The following EYA2 variants were observed in gnomAD, a reference collection of about 807,000 sequenced individuals.
EYA2 encodes the protein protein phosphatase EYA2.
Under a neutral mutation model 69.2 loss-of-function variants are expected in EYA2, and 31 were observed. That is an observed-to-expected ratio of 0.45 (90% CI 0.34 to 0.60). The LOEUF (loss-of-function observed/expected upper bound fraction) is 0.60, where lower values mean the gene tolerates loss of function less well. Ranked by LOEUF, EYA2 falls within the 20% of genes least tolerant of loss-of-function variation. The pLI, the probability that EYA2 is intolerant of heterozygous loss-of-function variation, is 0.02. For synonymous variants in EYA2, 257 were observed against 279.4 expected (o/e 0.92, Z 0.80); for missense variants, 622 against 701.2 (o/e 0.89, Z 1.28).
intron 9 of EYA2, among the ~76,000 whole-genome samples, chr20:47,100,022 GGTTTGGTTTGGTTTGGTTTT>G (rs962471264): frequency 7.1e-6 from 1 of 141,270 alleles, no homozygotes; most frequent in African/African-American, 3.2e-5. Context: ...GGTTTGGTTT[GGTTTGGTTTGGTTTGGTTTT>G]GTTCATAGCT....
intron 1 of EYA2, among the ~76,000 whole-genome samples, chr20:46,952,129 C>T (rs1325783194): frequency 1.3e-5 from 2 of 152,136 alleles, no homozygotes; most frequent in African/African-American, 2.4e-5. Context: ...AGAAGAACTC[C>T]GCCGAGCAAT....
chr20:47,114,471 C>T (rs1341004522), intron 9 of EYA2, among the ~76,000 whole-genome samples: 2 of 152,074 alleles, frequency 1.3e-5, no homozygotes, highest in South Asian at 2.1e-4. Flanking sequence ...AAAAATTAGC[C>T]GAGAGTGGTG....
chr20:47,043,959 G>T (rs999208633), intron 5 of EYA2, among the ~76,000 whole-genome samples: 3 of 152,196 alleles, frequency 2.0e-5, no homozygotes, highest in South Asian at 4.1e-4. Context: ...TCCAAACAAA[G>T]TTGTCCAGGT....
chr20:47,023,000 G>A lies in EYA2; in HGVS notation c.415+6703G>A, dbSNP rs539183663. Among the ~76,000 whole-genome samples, 457 of 151,570 alleles carry A rather than the reference G, an allele frequency of 3.0e-3. 4 individuals carry two copies. The highest frequency in any genetic ancestry group is 6.3e-3 in the South Asian group (30 of 4,786). ...GCAAAGAAACCCCATGTCCATTAGCGTCACTCCTTAGTTCCCCTCCCTCCG... is the reference window on the plus strand; with the variant it reads ...GCAAAGAAACCCCATGTCCATTAGCATCACTCCTTAGTTCCCCTCCCTCCG... On this transcript the variant is annotated intron_variant, in intron 5 of 15. Transcript: ENST00000327619.
intron 10 of EYA2, among the ~76,000 whole-genome samples, chr20:47,156,083 T>TAC (rs1465019016): frequency 2.2e-4 from 9 of 40,464 alleles, no homozygotes; most frequent in Non-Finnish European, 3.4e-4. Context: ...CACACATATA[T>TAC]ATACATACAC....
At chr20:46,942,005 C>T (rs2146263763) in intron 1 of EYA2, among the ~76,000 whole-genome samples, 1 of 152,210 alleles carries the variant, frequency 6.6e-6, no homozygotes, top group South Asian at 2.1e-4. Flanking sequence ...GATCCTTTTG[C>T]CTCAGCCTCC....
At chr20:47,148,144 T>TGTCCCAA (rs2033746995) in intron 10 of EYA2, among the ~76,000 whole-genome samples, 1 of 152,096 alleles carries the variant, frequency 6.6e-6, no homozygotes, top group African/African-American at 2.4e-5. Context: ...TCTGCACGCA[T>TGTCCCAA]GTCCCAAGTT....
At chr20:47,079,150 A>G (rs2031627715) in intron 7 of EYA2, among the ~76,000 whole-genome samples, 1 of 152,224 alleles carries the variant, frequency 6.6e-6, no homozygotes, top group African/African-American at 2.4e-5. Context: ...TACAATATAT[A>G]TGATGGATCT....
chr20:46,993,609 G>T (rs1054844210), intron 2 of EYA2, among the ~76,000 whole-genome samples: 4 of 152,134 alleles, frequency 2.6e-5, no homozygotes, highest in Admixed American at 2.6e-4. Context: ...AAGTACTAGG[G>T]AGACAGCATA....
At chr20:47,171,603 C>A (rs1366405973) in intron 11 of EYA2, among the ~76,000 whole-genome samples, 1 of 152,068 alleles carries the variant, frequency 6.6e-6, no homozygotes, top group African/African-American at 2.4e-5. Flanking sequence ...GCAATTGGCC[C>A]AAACTCACAT....
chr20:46,958,296 A>G (rs1445241957), intron 1 of EYA2, among the ~76,000 whole-genome samples: 1 of 152,126 alleles, frequency 6.6e-6, no homozygotes, highest in Non-Finnish European at 1.5e-5. Context: ...TGCTCCTTTG[A>G]GAGAGAATCT....
intron 1 of EYA2, among the ~76,000 whole-genome samples, chr20:46,957,989 C>T (rs2146284055): frequency 6.6e-6 from 1 of 152,220 alleles, no homozygotes; most frequent in East Asian, 1.9e-4. Flanking sequence ...ACTCAGAGTT[C>T]ACTCTGAAAG....
intron 1 of EYA2, among the ~76,000 whole-genome samples, chr20:46,927,292 C>T (rs755158870): frequency 8.5e-5 from 13 of 152,162 alleles, no homozygotes; most frequent in Non-Finnish European, 1.6e-4. Flanking sequence ...AACAAGTGCT[C>T]AGTGGACAGT....
intron 9 of EYA2, among the ~76,000 whole-genome samples, chr20:47,097,630 A>G (rs149649589): frequency 2.0e-5 from 3 of 151,930 alleles, no homozygotes; most frequent in East Asian, 3.9e-4. Context: ...GATCTTAGCA[A>G]TCGTTTTGCA....
At chr20:47,095,433 A>T (rs1033343483) in intron 8 of EYA2, among the ~76,000 whole-genome samples, 9 of 152,098 alleles carry the variant, frequency 5.9e-5, no homozygotes, top group African/African-American at 2.2e-4. Flanking sequence ...GAAATAAGAA[A>T]ATAAAAATTT....
chr20:47,011,584 G>A (rs1306945545), intron 4 of EYA2, among the ~76,000 whole-genome samples: 3 of 152,082 alleles, frequency 2.0e-5, no homozygotes, highest in Admixed American at 1.3e-4. Context: ...GTACACTCCT[G>A]CCTGATGACC....
At chr20:46,999,858 C>T (rs944789322) in intron 2 of EYA2, among the ~76,000 whole-genome samples, 3 of 152,176 alleles carry the variant, frequency 2.0e-5, no homozygotes, top group African/African-American at 4.8e-5. Flanking sequence ...ATCTGTACAA[C>T]GGGGTTAATG....
chr20:46,923,319 C>T (rs6124895), intron 1 of EYA2, among the ~76,000 whole-genome samples: 20,664 of 152,106 alleles, frequency 0.14, 2,060 homozygotes, highest in East Asian at 0.48. Flanking sequence ...GAGCCAAGAT[C>T]GTGCCACTGC....
intron 2 of EYA2, among the ~76,000 whole-genome samples, chr20:46,998,933 G>C (rs1486429570): frequency 1.3e-5 from 2 of 152,172 alleles, no homozygotes; most frequent in Non-Finnish European, 2.9e-5. Flanking sequence ...TGAGGTTGCT[G>C]GGGTGGGAAA....
Sources: allele counts gnomAD v4.1 joint callset (sites outside exome capture counted in the v4.1 genomes callset), GRCh38; gene constraint gnomAD v4.1.1; transcripts MANE v1.5; gene names NCBI Gene and HGNC (gene_info 2026-07-23, HGNC 2026-07-21).